The following POU2F1 variants were observed in gnomAD, a reference collection of about 807,000 sequenced individuals.
POU2F1 encodes the protein POU domain, class 2, transcription factor 1.
In POU2F1, 16 loss-of-function variants were observed where a neutral mutation model predicts 84.9. The observed-to-expected ratio is 0.19, with a 90% CI of 0.13 to 0.29. POU2F1 has a LOEUF of 0.29. POU2F1 is among the 10% of genes least tolerant of loss of function. The pLI is 1.00. For synonymous variants in POU2F1, 368 were observed against 368.3 expected (o/e 1.00, Z 0.01); for missense variants, 738 against 942.6 (o/e 0.78, Z 2.84).
chr1:167,381,358 C>T (rs1571408222), intron 7 of POU2F1, among the ~76,000 whole-genome samples: 1 of 152,286 alleles, frequency 6.6e-6, no homozygotes, highest in South Asian at 2.1e-4. Context: ...GCTGGGATTA[C>T]AGGCGTGAGC....
At chr1:167,296,612 A>C (rs980786969) in intron 1 of POU2F1, among the ~76,000 whole-genome samples, 1 of 152,226 alleles carries the variant, frequency 6.6e-6, no homozygotes, top group African/African-American at 2.4e-5. Flanking sequence ...TAAAGAATTC[A>C]GCTAAAATTC....
intron 13 of POU2F1, among the ~76,000 whole-genome samples, chr1:167,405,174 A>G (rs1388707092): frequency 1.3e-5 from 2 of 152,146 alleles, no homozygotes; most frequent in African/African-American, 4.8e-5. Context: ...TCAACCAAAC[A>G]TGCCCCGCCC....
chr1:167,373,276 G>T (rs1183503044), intron 5 of POU2F1, among the ~76,000 whole-genome samples: 2 of 152,144 alleles, frequency 1.3e-5, no homozygotes, highest in Non-Finnish European at 2.9e-5. Context: ...AAGAAAAGTA[G>T]AACACATTTA....
At chr1:167,378,901 C>T (rs1885933) in intron 7 of POU2F1, among the ~76,000 whole-genome samples, 2,380 of 151,412 alleles carry the variant, frequency 0.016, 72 homozygotes, top group African/African-American at 0.055. Flanking sequence ...TACAGGCATG[C>T]GCCACCACAC....
chr1:167,266,358 T>G (rs1557856802), intron 1 of POU2F1, among the ~76,000 whole-genome samples: 1 of 152,202 alleles, frequency 6.6e-6, no homozygotes, highest in South Asian at 2.1e-4. Context: ...TGGGTAGTAA[T>G]TCTATTGTAA....
At chr1:167,221,209 G>A (rs1462023269) in intron 1 of POU2F1, among the ~76,000 whole-genome samples, 1 of 151,376 alleles carries the variant, frequency 6.6e-6, no homozygotes, top group Non-Finnish European at 1.5e-5. Context: ...CCTGCACCCG[G>A]CCCACCCCGC....
chr1:167,224,814 G>T (rs1437594933), intron 1 of POU2F1, among the ~76,000 whole-genome samples: 1 of 146,090 alleles, frequency 6.8e-6, no homozygotes, highest in Non-Finnish European at 1.5e-5. Context: ...GAAATCCATT[G>T]TCACTGTCTT....
chr1:167,407,542 A>G lies in POU2F1; in HGVS notation c.1556-4417A>G, dbSNP rs1027809302. The stretch of plus-strand genomic sequence containing the variant: ...TCAAAGCAGTGTATTACTGGTATAC[A>G]TATAGATATATAGATTAAATGGAAC... On this transcript the variant is annotated intron_variant, in intron 13 of 15. Transcript: ENST00000367866. 2.0e-5 allele frequency among the ~76,000 whole-genome samples: 3 copies of G among 152,372 alleles called. No individual in the cohort carries two copies. The East Asian group carries it at 5.8e-4, about 29-fold the overall frequency.
chr1:167,245,120 T>A (rs1276432665), intron 1 of POU2F1, among the ~76,000 whole-genome samples: 1 of 152,248 alleles, frequency 6.6e-6, no homozygotes, highest in Non-Finnish European at 1.5e-5. Flanking sequence ...AACTTTTTTT[T>A]AAAGGATCTT....
At chr1:167,278,966 T>C (rs1298880002) in intron 1 of POU2F1, among the ~76,000 whole-genome samples, 3 of 152,216 alleles carry the variant, frequency 2.0e-5, no homozygotes, top group Non-Finnish European at 4.4e-5. Context: ...TTTCATTTGA[T>C]TGTAATTAGT....
intron 1 of POU2F1, among the ~76,000 whole-genome samples, chr1:167,291,269 C>T (rs573469575): frequency 6.6e-6 from 1 of 152,282 alleles, no homozygotes; most frequent in South Asian, 2.1e-4. Flanking sequence ...GCTAACATTT[C>T]TCTCTGCTCT....
chr1:167,257,187 A>C (rs539518707), intron 1 of POU2F1, among the ~76,000 whole-genome samples: 35 of 152,312 alleles, frequency 2.3e-4, no homozygotes, highest in African/African-American at 8.2e-4. Context: ...TTGGGCATCA[A>C]ATGGTCTCTC....
At position 167,370,579 on chromosome 1, in the gene POU2F1, G is replaced by A. The variant is rs75551000; in HGVS notation, c.282+365G>A. Among the ~76,000 whole-genome samples the A allele has an allele frequency of 8.9e-3, 1,349 of 152,224 alleles. 19 individuals carry two copies. Among genetic ancestry groups the A allele is most frequent in the African/African-American group, 0.03 (1,266 of 41,514 alleles). On this transcript the variant is annotated intron_variant, in intron 4 of 15. Coordinates refer to ENST00000367866, the MANE Select transcript of POU2F1 (RefSeq NM_002697.4). The stretch of plus-strand genomic sequence containing the variant: ...GTTATTTATCATTTTTGATGTCTTA[G>A]GGAGACCTTATAGGGAAGAGGAAAG...
rs772994537 is a variant in POU2F1, at chr1:167,416,102, A to G, written c.*292A>G. On this transcript the variant is annotated 3_prime_UTR_variant, in exon 16 of 16. Coordinates refer to ENST00000367866, the MANE Select transcript of POU2F1 (RefSeq NM_002697.4). The stretch of plus-strand genomic sequence containing the variant: ...AACCAAAAATTAAAAAAAAAAAAAA[A>G]AAAAGAAACAAAAAAATCAAAAACA... The G allele has an allele frequency of 4.6e-5, 25 of 544,490 alleles. No homozygotes were observed. Among genetic ancestry groups the G allele is most frequent in the Non-Finnish European group, 6.7e-5 (20 of 297,720 alleles). The allele number at this position is 544,490 out of a possible 1,614,324, so 33.7% of individuals were successfully genotyped here. A position where few individuals can be genotyped will look rare whatever the true frequency, so the allele number is the denominator to read the frequency against.
chr1:167,411,925 A>C (rs1449019266), intron 13 of POU2F1, 34 bp from the exon 14 acceptor site: 59 of 1,565,348 alleles, frequency 3.8e-5, no homozygotes, highest in Non-Finnish European at 5.0e-5. Context: ...AACCATTTAC[A>C]AAAGGTCATC....
Position 167,427,224 on chromosome 1 carries a change from G to A in POU2F1, c.*11414G>A, listed in dbSNP as rs376334472. The A allele has an allele frequency of 2.6e-5, 4 of 152,222 alleles. No individual in the cohort carries two copies. Among genetic ancestry groups the A allele is most frequent in the East Asian group, 3.9e-4 (2 of 5,190 alleles). The allele number at this position is 152,222 out of a possible 1,614,324, so 9.4% of individuals were successfully genotyped here. ...GACAGTGAATCAGAATGAAGTGGTA[G>A]ATTTTGTGTAGATGCATTTGTCTGC... On this transcript the variant is annotated 3_prime_UTR_variant, in exon 16 of 16. Coordinates refer to ENST00000367866, the MANE Select transcript of POU2F1 (RefSeq NM_002697.4).
At position 167,295,856 on chromosome 1, in the gene POU2F1, T is replaced by G. The variant is rs148381818; in HGVS notation, c.62-36614T>G. On this transcript the variant is annotated intron_variant, in intron 1 of 15. Coordinates refer to ENST00000367866, the MANE Select transcript of POU2F1 (RefSeq NM_002697.4). ...TTAAGGGTCGTTGTAAATTTTTTGTTGTAATTGCAGGATGAGTGACTTTGA... is the reference window on the plus strand; with the variant it reads ...TTAAGGGTCGTTGTAAATTTTTTGTGGTAATTGCAGGATGAGTGACTTTGA... Among the ~76,000 whole-genome samples the G allele has an allele frequency of 7.3e-3, 1,116 of 152,256 alleles. 17 individuals are homozygous for G. Among genetic ancestry groups the G allele is most frequent in the African/African-American group, 0.025 (1,052 of 41,544 alleles).
intron 2 of POU2F1, among the ~76,000 whole-genome samples, chr1:167,357,689 G>C (rs888617427): frequency 3.3e-5 from 5 of 151,338 alleles, no homozygotes; most frequent in Non-Finnish European, 7.4e-5. Flanking sequence ...CTTATGCCAA[G>C]AATTTTTATC....
intron 1 of POU2F1, among the ~76,000 whole-genome samples, chr1:167,311,844 C>T (rs1289189782): frequency 2.0e-5 from 3 of 150,410 alleles, no homozygotes; most frequent in Non-Finnish European, 2.9e-5. Context: ...GCTCTGTCGC[C>T]TAGGCTGGAG....
Sources: allele counts gnomAD v4.1 joint callset (sites outside exome capture counted in the v4.1 genomes callset), GRCh38; gene constraint gnomAD v4.1.1; transcripts MANE v1.5; gene names NCBI Gene and HGNC (gene_info 2026-07-23, HGNC 2026-07-21).